The following PCDHGB6 variants were observed in gnomAD, a reference collection of about 807,000 sequenced individuals.
The protein encoded by PCDHGB6 is protocadherin gamma-B6.
PCDHGB6 carries 51 observed loss-of-function variants against 59.1 expected under a neutral mutation model. That is an observed-to-expected ratio of 0.86 (90% CI 0.69 to 1.09). The LOEUF (loss-of-function observed/expected upper bound fraction) is 1.09, where lower values mean the gene tolerates loss of function less well. Among genes scored for constraint, PCDHGB6 ranks in the 50% least tolerant of loss-of-function variants. The pLI is 0.00. For synonymous variants in PCDHGB6, 466 were observed against 495.1 expected (o/e 0.94, Z 0.78); for missense variants, 1,148 against 1,205.1 (o/e 0.95, Z 0.70).
chr5:141,413,122 G>A, intron 1 of PCDHGB6: 1 of 1,525,890 alleles, frequency 6.6e-7, no homozygotes. Flanking sequence ...GGAACCGGTT[G>A]AAACACACAA....
At chr5:141,414,231 C>T (rs2095722548) in intron 1 of PCDHGB6, 1 of 1,613,304 alleles carries the variant, frequency 6.2e-7, no homozygotes, top group South Asian at 1.1e-5. Flanking sequence ...CAGAGCTGAC[C>T]ATCACGTCTC....
chr5:141,420,036 G>C, intron 1 of PCDHGB6: 1 of 1,614,078 alleles, frequency 6.2e-7, no homozygotes. Context: ...GCAGGAGACT[G>C]CTTTGAGTCA....
At chr5:141,456,912 G>A (rs566842808) in intron 1 of PCDHGB6, among the ~76,000 whole-genome samples, 2 of 152,206 alleles carry the variant, frequency 1.3e-5, no homozygotes, top group South Asian at 2.1e-4. Context: ...GCAGTGAGCC[G>A]AGATCGCACC....
At position 141,431,174 on chromosome 5, in the gene PCDHGB6, G is replaced by C. The variant is rs568632160; in HGVS notation, c.2418+20554G>C. 6.2e-7 allele frequency: 1 copy of C among 1,614,224 alleles called. No individual in the cohort carries two copies. The highest frequency in any genetic ancestry group is 1.1e-5 in the South Asian group (1 of 91,088). ...GCCTTACTTTCGTGAAAGTGAATTA[G>C]AAATAAAAATTAGTGAAAATGCAGC... is the stretch of plus-strand genomic sequence containing the variant. On this transcript the variant is annotated intron_variant, in intron 1 of 3. Coordinates refer to ENST00000520790, the MANE Select transcript of PCDHGB6 (RefSeq NM_018926.3). This position sits in a 1 kb window ranked among gnomAD's most constrained non-coding sequence, Gnocchi z 4.8.
chr5:141,507,504 C>T (rs1443873775), intron 3 of PCDHGB6, among the ~76,000 whole-genome samples: 1 of 152,138 alleles, frequency 6.6e-6, no homozygotes, highest in Admixed American at 6.5e-5. Flanking sequence ...TGTCCCAGGT[C>T]TGGTGGGGCT....
intron 1 of PCDHGB6, chr5:141,422,520 G>A (rs759529752): frequency 1.9e-6 from 3 of 1,613,946 alleles, no homozygotes; most frequent in South Asian, 2.2e-5. Flanking sequence ...AGGGAAGCCC[G>A]CCTTTGTCTG....
At chr5:141,422,959 C>G in intron 1 of PCDHGB6, 1 of 1,614,234 alleles carries the variant, frequency 6.2e-7, no homozygotes, top group Non-Finnish European at 8.5e-7. Flanking sequence ...TGGCGTGGAG[C>G]TGGCGCCCCG....
intron 1 of PCDHGB6, among the ~76,000 whole-genome samples, chr5:141,472,266 G>A (rs931951683): frequency 2.0e-5 from 3 of 152,198 alleles, no homozygotes. Flanking sequence ...TTATAGCCGG[G>A]CACAGTGGCT....
At chr5:141,433,381 A>ATCTG (rs1561869478) in intron 1 of PCDHGB6, among the ~76,000 whole-genome samples, 2 of 151,148 alleles carry the variant, frequency 1.3e-5, no homozygotes, top group Non-Finnish European at 2.9e-5. Flanking sequence ...CTATCTATCT[A>ATCTG]TCTATCTATC....
rs772195653 is a variant in PCDHGB6 at position 141,477,704 on chromosome 5, C to A, written c.2419-17103C>A. On this transcript the variant is annotated intron_variant, in intron 1 of 3. Transcript: ENST00000520790. The surrounding 1 kb of genome is among the most constrained non-coding windows in gnomAD (Gnocchi z 4.9). ...CTTAGTGCCCCTAGACTATGAGGAT[C>A]GGCGGGAATTTGAATTAACAGCTCA... The A allele has an allele frequency of 5.0e-6, 8 of 1,613,850 alleles. No individual in the cohort carries two copies. Among genetic ancestry groups the A allele is most frequent in the Non-Finnish European group, 5.9e-6 (7 of 1,180,046 alleles).
Position 141,409,652 on chromosome 5 carries a change from A to G in PCDHGB6, c.1450A>G (p.Asn484Asp). 1 of 1,613,654 alleles carries G rather than the reference A, an allele frequency of 6.2e-7. No individual in the cohort carries two copies. The highest frequency in any genetic ancestry group is 8.5e-7 in the Non-Finnish European group (1 of 1,179,876). ...CGCCTCTGACCCGGATTTGGGGCTC[A>G]ATGGCCACATCTCCTACTCTATAGT... is the stretch of plus-strand genomic sequence containing the variant. ...VSASDPDLGL[N>D]GHISYSIVAS... The change falls in exon 1 of 4, where the codon AAT becomes GAT. Residue 484 changes from asparagine (N) to aspartate (D), a missense_variant. Transcript: ENST00000520790.
chr5:141,453,288 A>G (rs931678565), intron 1 of PCDHGB6, among the ~76,000 whole-genome samples: 1 of 151,342 alleles, frequency 6.6e-6, no homozygotes, highest in Non-Finnish European at 1.5e-5. Context: ...TAATTTTTTA[A>G]TTATTTATTT....
intron 1 of PCDHGB6, chr5:141,414,666 A>G (rs1243321329): frequency 6.2e-7 from 1 of 1,614,002 alleles, no homozygotes; most frequent in Admixed American, 1.7e-5. Context: ...CCCTGGCTGA[A>G]GACACCATCC....
Position 141,422,179 on chromosome 5 carries a change from A to G in PCDHGB6, c.2418+11559A>G, listed in dbSNP as rs757086661. The G allele has an allele frequency of 2.0e-5, 32 of 1,562,402 alleles. No homozygotes were observed. Among genetic ancestry groups the G allele is most frequent in the Non-Finnish European group, 2.6e-5 (30 of 1,159,048 alleles). ...TTTTGAAAAATATAGATTCTATGAG[A>G]TGGAAATTCAAGGCCAAGATGGTGG... is the stretch of plus-strand genomic sequence containing the variant. On this transcript the variant is annotated intron_variant, in intron 1 of 3. Coordinates refer to ENST00000520790, the MANE Select transcript of PCDHGB6 (RefSeq NM_018926.3).
In PCDHGB6 at chr5:141,409,971, A is replaced by G. The variant is rs758876775; in HGVS notation, c.1769A>G (p.Lys590Arg). The change falls in exon 1 of 4, where the codon AAG (lysine) becomes AGG (arginine). Residue 590 changes from lysine to arginine, a missense_variant. Lys to Arg is a conservative substitution (Grantham distance 26, BLOSUM62 2). Coordinates refer to ENST00000520790, the MANE Select transcript of PCDHGB6 (RefSeq NM_018926.3). ...RSAEPGYLVT[K>R]VVAVDADSGH... is the part of the protein sequence containing the mutation. ...GCAGAGCCCGGCTACCTAGTGACTAAGGTGGTAGCGGTGGACGCCGACTCG... is the reference window on the plus strand; with the variant it reads ...GCAGAGCCCGGCTACCTAGTGACTAGGGTGGTAGCGGTGGACGCCGACTCG... 2.9e-5 allele frequency: 47 copies of G among 1,613,202 alleles called. No homozygotes were observed. The highest frequency in any genetic ancestry group is 3.8e-5 in the Non-Finnish European group (45 of 1,179,806).
In PCDHGB6 at chr5:141,432,293, G is replaced by A; in HGVS notation, c.2418+21673G>A. On this transcript the variant is annotated intron_variant, in intron 1 of 3. Transcript: ENST00000520790. The surrounding 1 kb of genome is among the most constrained non-coding windows in gnomAD (Gnocchi z 6.0). ...CTACGTGTCCATCAACTCCGACACT[G>A]GGGTACTGTATGCGCTGAGCTCCTT... 1 of 1,614,254 alleles carries A rather than the reference G, an allele frequency of 6.2e-7. No homozygotes were observed. Among genetic ancestry groups the A allele is most frequent in the Non-Finnish European group, 8.5e-7 (1 of 1,180,040 alleles).
intron 1 of PCDHGB6, among the ~76,000 whole-genome samples, chr5:141,471,999 T>C (rs577046645): frequency 3.9e-5 from 6 of 152,230 alleles, no homozygotes; most frequent in Admixed American, 2.0e-4. Flanking sequence ...AATCCCTGCA[T>C]CGTATAGGGG....
rs147522770 is a variant in PCDHGB6, at chr5:141,504,573, C to T, written c.2478-820C>T. On this transcript the variant is annotated intron_variant, in intron 2 of 3. Coordinates refer to ENST00000520790, the MANE Select transcript of PCDHGB6 (RefSeq NM_018926.3). ...TGGGGGACTGGCATTCTAGGGAACA[C>T]CATCTGCCCAGGATTCACAGCAAGA... Among the ~76,000 whole-genome samples the T allele has an allele frequency of 5.4e-5, 8 of 148,158 alleles. No individual in the cohort carries two copies. In the East Asian group the frequency reaches 1.6e-3, roughly 30 times the overall value.
intron 1 of PCDHGB6, chr5:141,418,015 G>C: frequency 6.2e-7 from 1 of 1,613,964 alleles, no homozygotes; most frequent in Non-Finnish European, 8.5e-7. Context: ...ACCTCGCTAA[G>C]GATCTAGGGC....
Sources: allele counts gnomAD v4.1 joint callset (sites outside exome capture counted in the v4.1 genomes callset), GRCh38; gene constraint gnomAD v4.1.1; non-coding constraint Gnocchi (gnomAD v3.1); transcripts MANE v1.5; gene names NCBI Gene and HGNC (gene_info 2026-07-23, HGNC 2026-07-21).